The following ATP8B4 variants were observed in gnomAD, a reference collection of about 807,000 sequenced individuals.
The protein encoded by ATP8B4 is probable phospholipid-transporting ATPase IM.
A neutral mutation model predicts 145.6 loss-of-function variants in ATP8B4; 133 were observed. The observed-to-expected ratio is 0.91, with a 90% CI of 0.79 to 1.05. The LOEUF is 1.05. ATP8B4 is among the 50% of genes least tolerant of loss of function. The pLI, the probability that ATP8B4 is intolerant of heterozygous loss-of-function variation, is 0.00. For missense variants in ATP8B4, 1,458 were observed against 1,425.2 expected, an observed-to-expected ratio of 1.02 and a Z score of -0.37; for synonymous variants, 507 against 492.9, an observed-to-expected ratio of 1.03 and a Z score of -0.38.
At chr15:50,010,415 A>G (rs1329467138) in intron 7 of ATP8B4, among the ~76,000 whole-genome samples, 1 of 152,048 alleles carries the variant, frequency 6.6e-6, no homozygotes, top group Non-Finnish European at 1.5e-5. Context: ...AGGAAGAAAC[A>G]TATCTTTTCT....
At chr15:50,006,512 G>T (rs964862644) in intron 7 of ATP8B4, among the ~76,000 whole-genome samples, 3 of 130,556 alleles carry the variant, frequency 2.3e-5, no homozygotes, top group Non-Finnish European at 4.7e-5. Context: ...AAAAAAAAAG[G>T]CCTCTCTGGA....
At chr15:50,094,314 G>C (rs1259376095) in intron 2 of ATP8B4, among the ~76,000 whole-genome samples, 1 of 152,040 alleles carries the variant, frequency 6.6e-6, no homozygotes, top group African/African-American at 2.4e-5. Flanking sequence ...CTTGCCTTCA[G>C]ACTCAAACTA....
chr15:50,047,762 C>T (rs925404477), intron 3 of ATP8B4, among the ~76,000 whole-genome samples: 1 of 152,146 alleles, frequency 6.6e-6, no homozygotes, highest in African/African-American at 2.4e-5. Context: ...TGCTTGAGTA[C>T]CTACTGTATG....
intron 2 of ATP8B4, among the ~76,000 whole-genome samples, chr15:50,080,069 T>C (rs1255072108): frequency 1.3e-5 from 2 of 152,232 alleles, no homozygotes; most frequent in African/African-American, 2.4e-5. Flanking sequence ...ACATTTGTTT[T>C]GAATCTGCTC....
chr15:49,888,197 T>C (rs2036420359), intron 23 of ATP8B4, among the ~76,000 whole-genome samples: 1 of 152,204 alleles, frequency 6.6e-6, no homozygotes, highest in Admixed American at 6.5e-5. Flanking sequence ...ACTCGTCCAG[T>C]CCTGGACTTT....
At chr15:50,005,321 C>T (rs1180373978) in intron 7 of ATP8B4, among the ~76,000 whole-genome samples, 2 of 152,072 alleles carry the variant, frequency 1.3e-5, no homozygotes. Context: ...ACATTGTCCT[C>T]ATAGGGTTAT....
intron 17 of ATP8B4, 24 bp downstream of exon 17, chr15:49,923,355 T>C (rs2040427091): frequency 1.3e-6 from 2 of 1,531,058 alleles, no homozygotes; most frequent in African/African-American, 1.4e-5. Context: ...GCCATTGTGC[T>C]AACCTTAAGA....
At chr15:49,985,345 C>T (rs2046511087) in intron 10 of ATP8B4, among the ~76,000 whole-genome samples, 4 of 152,158 alleles carry the variant, frequency 2.6e-5, no homozygotes, top group Admixed American at 6.5e-5. Flanking sequence ...ATCCACCCGC[C>T]TCAGCCTCCC....
intron 1 of ATP8B4, among the ~76,000 whole-genome samples, chr15:50,141,697 TAAATA>T (rs1435923514): frequency 1.3e-5 from 2 of 152,140 alleles, no homozygotes; most frequent in African/African-American, 2.4e-5. Context: ...TTATTAAAAT[TAAATA>T]AGAGTACAGA....
At chr15:49,989,423 TA>T (rs11429655) in intron 9 of ATP8B4, among the ~76,000 whole-genome samples, 2,167 of 148,202 alleles carry the variant, frequency 0.015, 34 homozygotes, top group African/African-American at 0.04. Flanking sequence ...CCTAGCCACT[TA>T]AAAAAAAAAA....
intron 23 of ATP8B4, among the ~76,000 whole-genome samples, chr15:49,887,528 A>T (rs1443055114): frequency 3.9e-5 from 6 of 152,090 alleles, no homozygotes. Context: ...CCATACTCAC[A>T]GGGGAAGCCA....
At chr15:49,947,122 G>A (rs2042629895) in intron 14 of ATP8B4, among the ~76,000 whole-genome samples, 2 of 152,132 alleles carry the variant, frequency 1.3e-5, no homozygotes, top group Non-Finnish European at 2.9e-5. Flanking sequence ...CAAAACCCTT[G>A]CACACTGAAA....
At chr15:49,934,431 A>G (rs2041559657) in intron 14 of ATP8B4, among the ~76,000 whole-genome samples, 1 of 152,058 alleles carries the variant, frequency 6.6e-6, no homozygotes, top group South Asian at 2.1e-4. Context: ...GGATGGCTGT[A>G]CAGATCCTCA....
At chr15:50,068,648 G>A (rs1225504636) in intron 3 of ATP8B4, among the ~76,000 whole-genome samples, 2 of 152,122 alleles carry the variant, frequency 1.3e-5, no homozygotes, top group African/African-American at 4.8e-5. Context: ...AATTTATTAA[G>A]TGTTTTGGCT....
intron 1 of ATP8B4, among the ~76,000 whole-genome samples, chr15:50,174,081 C>G (rs2044727914): frequency 6.6e-6 from 1 of 152,130 alleles, no homozygotes; most frequent in Non-Finnish European, 1.5e-5. Flanking sequence ...AAGCATTCAA[C>G]AAAATCCAGC....
intron 3 of ATP8B4, among the ~76,000 whole-genome samples, chr15:50,051,099 C>T (rs1567268159): frequency 6.6e-6 from 1 of 152,094 alleles, no homozygotes; most frequent in Non-Finnish European, 1.5e-5. Context: ...TAGGAGGGAC[C>T]CGATGGGAGA....
upstream of ATP8B4, among the ~76,000 whole-genome samples, chr15:50,121,948 C>T (rs944703143): frequency 6.6e-6 from 1 of 152,104 alleles, no homozygotes; most frequent in Non-Finnish European, 1.5e-5. Context: ...AAAAAGAATT[C>T]TGAATTTACT....
intron 1 of ATP8B4, among the ~76,000 whole-genome samples, chr15:50,157,654 C>A (rs956050895): frequency 3.3e-5 from 5 of 151,990 alleles, no homozygotes; most frequent in African/African-American, 9.7e-5. Context: ...TGAAGAATAT[C>A]ATTGGTATTT....
At chr15:50,006,489 CAAAA>C (rs750033683) in intron 7 of ATP8B4, among the ~76,000 whole-genome samples, 4 of 47,852 alleles carry the variant, frequency 8.4e-5, no homozygotes, top group African/African-American at 2.2e-4. Context: ...ATGAGACCAC[CAAAA>C]AAAAAAAAAA....
Sources: gnomAD v4.1 joint callset for allele counts (sites outside exome capture counted in the v4.1 genomes callset) on GRCh38, gnomAD v4.1.1 for gene constraint, MANE v1.5 for transcripts, NCBI Gene and HGNC (gene_info 2026-07-23, HGNC 2026-07-21) for gene names.